LRRC4C: variants seen among roughly 807,000 people sequenced by gnomAD.
LRRC4C encodes leucine-rich repeat-containing protein 4C.
In LRRC4C, 5 loss-of-function variants were observed where a neutral mutation model predicts 33.6. The observed-to-expected ratio is 0.15, with a 90% CI of 0.08 to 0.31. The LOEUF (loss-of-function observed/expected upper bound fraction) is 0.31, where lower values mean the gene tolerates loss of function less well. Ranked by LOEUF, LRRC4C falls within the 10% of genes least tolerant of loss-of-function variation. LRRC4C has a pLI of 1.00. For synonymous variants in LRRC4C, 329 were observed against 302.0 expected (o/e 1.09, Z -0.93); for missense variants, 560 against 796.7 (o/e 0.70, Z 3.58).
At chr11:41,260,450 A>G (rs1479276372) in intron 1 of LRRC4C, among the ~76,000 whole-genome samples, 1 of 152,080 alleles carries the variant, frequency 6.6e-6, no homozygotes, top group Non-Finnish European at 1.5e-5. Flanking sequence ...GATGAGAGAC[A>G]AGCAGTGAGA....
intron 1 of LRRC4C, among the ~76,000 whole-genome samples, chr11:41,130,962 A>G (rs186662429): frequency 1.2e-4 from 18 of 152,148 alleles, no homozygotes; most frequent in Non-Finnish European, 2.2e-4. Flanking sequence ...TTTTGCAGGT[A>G]TATTTCTTTG....
chr11:41,176,436 T>C (rs1945201794), intron 1 of LRRC4C, among the ~76,000 whole-genome samples: 1 of 152,128 alleles, frequency 6.6e-6, no homozygotes, highest in South Asian at 2.1e-4. Context: ...TATAATGTGG[T>C]TTATCATAGT....
intron 4 of LRRC4C, among the ~76,000 whole-genome samples, chr11:40,314,854 T>A (rs1186108880): frequency 6.6e-6 from 1 of 151,788 alleles, no homozygotes; most frequent in Non-Finnish European, 1.5e-5. Flanking sequence ...AAAAAGTTGA[T>A]CTCATAATAG....
At chr11:41,140,928 T>A (rs923457626) in intron 1 of LRRC4C, among the ~76,000 whole-genome samples, 1 of 152,132 alleles carries the variant, frequency 6.6e-6, no homozygotes, top group Non-Finnish European at 1.5e-5. Flanking sequence ...AGTTTTTCAT[T>A]TGCTGTCTTC....
intron 1 of LRRC4C, among the ~76,000 whole-genome samples, chr11:41,140,719 A>G (rs1428384791): frequency 6.6e-6 from 1 of 152,210 alleles, no homozygotes; most frequent in African/African-American, 2.4e-5. Flanking sequence ...TGCATAACAG[A>G]TAGTTGCATA....
At chr11:41,232,764 AC>A (rs1947857405) in intron 1 of LRRC4C, among the ~76,000 whole-genome samples, 1 of 151,708 alleles carries the variant, frequency 6.6e-6, no homozygotes, top group Admixed American at 6.6e-5. Context: ...ACACACACAC[AC>A]ACACACACAC....
chr11:40,399,296 A>G (rs1949666982), intron 3 of LRRC4C, among the ~76,000 whole-genome samples: 1 of 152,142 alleles, frequency 6.6e-6, no homozygotes, highest in African/African-American at 2.4e-5. Context: ...ATGTCCAACA[A>G]TGATAGACTG....
chr11:41,400,695 G>A (rs926164873), intron 1 of LRRC4C, among the ~76,000 whole-genome samples: 2 of 151,816 alleles, frequency 1.3e-5, no homozygotes, highest in Non-Finnish European at 2.9e-5. Flanking sequence ...ATTCTAGAAA[G>A]AACTGACCAA....
chr11:41,309,822 C>A (rs1210435941), intron 1 of LRRC4C, among the ~76,000 whole-genome samples: 1 of 152,178 alleles, frequency 6.6e-6, no homozygotes, highest in African/African-American at 2.4e-5. Flanking sequence ...CTGCCTTTTA[C>A]CATCACCCTT....
chr11:40,528,537 G>A (rs916630970), intron 3 of LRRC4C, among the ~76,000 whole-genome samples: 9 of 151,816 alleles, frequency 5.9e-5, no homozygotes, highest in Non-Finnish European at 5.9e-5. Context: ...GTACATTGTC[G>A]GTGGGAATGT....
At chr11:40,956,569 T>C (rs1958965135) in intron 1 of LRRC4C, among the ~76,000 whole-genome samples, 1 of 151,772 alleles carries the variant, frequency 6.6e-6, no homozygotes, top group South Asian at 2.1e-4. Context: ...GCTTATCCCA[T>C]GGAGTTTTGG....
intron 2 of LRRC4C, among the ~76,000 whole-genome samples, chr11:40,738,299 C>T (rs974492571): frequency 5.9e-5 from 9 of 152,126 alleles, no homozygotes; most frequent in African/African-American, 9.7e-5. Context: ...TACCACGATA[C>T]GGCCCTCCCA....
At chr11:40,976,259 G>A (rs984557274) in intron 1 of LRRC4C, among the ~76,000 whole-genome samples, 3 of 152,194 alleles carry the variant, frequency 2.0e-5, no homozygotes, top group Non-Finnish European at 4.4e-5. Flanking sequence ...TAGCAATGCT[G>A]TGCATGCTAC....
At chr11:41,426,151 C>G (rs1955033487) in intron 1 of LRRC4C, 1 of 152,158 alleles carries the variant, frequency 6.6e-6, no homozygotes. Context: ...CGGAATGAAG[C>G]CAGCACTATG....
intron 1 of LRRC4C, among the ~76,000 whole-genome samples, chr11:40,936,336 GTT>G (rs34468606): frequency 2.2e-4 from 25 of 112,694 alleles, no homozygotes; most frequent in African/African-American, 5.9e-4. Context: ...TCTAACACTT[GTT>G]TTTTTTTTTT....
At chr11:41,351,795 A>C (rs1951993627) in intron 1 of LRRC4C, among the ~76,000 whole-genome samples, 1 of 152,240 alleles carries the variant, frequency 6.6e-6, no homozygotes, top group African/African-American at 2.4e-5. Context: ...TGATAAGCAA[A>C]GGTGAAATAA....
At chr11:40,722,075 C>A (rs1225538724) in intron 2 of LRRC4C, among the ~76,000 whole-genome samples, 2 of 152,086 alleles carry the variant, frequency 1.3e-5, no homozygotes, top group Non-Finnish European at 2.9e-5. Flanking sequence ...TTTACATCCA[C>A]AAAAAAATTA....
intron 3 of LRRC4C, among the ~76,000 whole-genome samples, chr11:40,424,897 G>C (rs1950655218): frequency 1.3e-5 from 2 of 152,136 alleles, no homozygotes; most frequent in African/African-American, 4.8e-5. Context: ...GTCTGTTTTT[G>C]TTTTTCTAAT....
chr11:40,766,691 G>T, intron 2 of LRRC4C, among the ~76,000 whole-genome samples: 1 of 132,626 alleles, frequency 7.5e-6, no homozygotes. Flanking sequence ...TTTACAATTA[G>T]TGTTGAGTGG....
Sources: allele counts gnomAD v4.1 joint callset (sites outside exome capture counted in the v4.1 genomes callset), GRCh38; gene constraint gnomAD v4.1.1; transcripts MANE v1.5; gene names NCBI Gene and HGNC (gene_info 2026-07-23, HGNC 2026-07-21).